SORCS1: variants seen among roughly 807,000 people sequenced by gnomAD.
SORCS1 encodes the protein VPS10 domain-containing receptor SorCS1.
SORCS1 carries 60 observed loss-of-function variants against 146.1 expected under a neutral mutation model. That is an observed-to-expected ratio of 0.41 (90% CI 0.33 to 0.51). SORCS1 has a LOEUF of 0.51. SORCS1 is among the 20% of genes least tolerant of loss of function. The pLI, the probability that SORCS1 is intolerant of heterozygous loss-of-function variation, is 0.21. For synonymous variants in SORCS1, 637 were observed against 584.0 expected, an observed-to-expected ratio of 1.09 and a Z score of -1.31; for missense variants, 1,352 against 1,487.6, an observed-to-expected ratio of 0.91 and a Z score of 1.50.
intron 1 of SORCS1, among the ~76,000 whole-genome samples, chr10:107,046,278 T>G (rs1162469838): frequency 6.6e-6 from 1 of 152,038 alleles, no homozygotes; most frequent in East Asian, 1.9e-4. Flanking sequence ...GTCTATTTTG[T>G]TCAGGTTGGT....
chr10:107,033,226 C>T (rs536780258), intron 1 of SORCS1, among the ~76,000 whole-genome samples: 3 of 152,142 alleles, frequency 2.0e-5, no homozygotes, highest in East Asian at 1.9e-4. Flanking sequence ...CAGCAGATCT[C>T]GTGAGAACTC....
chr10:106,765,903 G>A (rs1469307119), intron 4 of SORCS1, among the ~76,000 whole-genome samples: 2 of 152,110 alleles, frequency 1.3e-5, no homozygotes, highest in South Asian at 2.1e-4. Flanking sequence ...ACAGGTGCAC[G>A]TGATAGAATT....
chr10:107,165,911 A>G (rs1475573892), upstream of SORCS1, among the ~76,000 whole-genome samples: 2 of 152,236 alleles, frequency 1.3e-5, no homozygotes, highest in Non-Finnish European at 2.9e-5. This position sits in a 1 kb window ranked among gnomAD's most constrained non-coding sequence, Gnocchi z 4.0. Context: ...GTATGATTAT[A>G]GTATCTGCCC....
intron 1 of SORCS1, among the ~76,000 whole-genome samples, chr10:107,013,139 A>G (rs2139757742): frequency 6.6e-6 from 1 of 152,324 alleles, no homozygotes; most frequent in East Asian, 1.9e-4. Context: ...ATAAATAAAC[A>G]AATAGAAAGT....
At chr10:106,673,342 AG>A (rs1851755348) in intron 14 of SORCS1, among the ~76,000 whole-genome samples, 1 of 152,138 alleles carries the variant, frequency 6.6e-6, no homozygotes, top group Non-Finnish European at 1.5e-5. Flanking sequence ...CATGTTGGCC[AG>A]GATGGTCTTG....
chr10:107,004,061 G>A (rs1432270078), intron 1 of SORCS1, among the ~76,000 whole-genome samples: 4 of 151,304 alleles, frequency 2.6e-5, no homozygotes, highest in African/African-American at 9.7e-5. Flanking sequence ...TGTAGTCCCA[G>A]CTAGTTTGGA....
chr10:107,122,711 A>C (rs1186376181), intron 1 of SORCS1, among the ~76,000 whole-genome samples: 1 of 151,468 alleles, frequency 6.6e-6, no homozygotes, highest in African/African-American at 2.4e-5. Context: ...GCAGGAAAGA[A>C]AAAAAAAAGT....
intron 1 of SORCS1, among the ~76,000 whole-genome samples, chr10:107,043,784 G>A (rs1959193000): frequency 1.3e-5 from 2 of 152,178 alleles, no homozygotes; most frequent in Non-Finnish European, 2.9e-5. Flanking sequence ...TTCATTGTGG[G>A]ATTTCATGAT....
At chr10:106,968,159 G>A (rs1344014408) in intron 1 of SORCS1, among the ~76,000 whole-genome samples, 1 of 151,956 alleles carries the variant, frequency 6.6e-6, no homozygotes, top group Non-Finnish European at 1.5e-5. Flanking sequence ...GCAGTGAGCC[G>A]AGATCGCGCC....
intron 1 of SORCS1, among the ~76,000 whole-genome samples, chr10:106,984,079 C>A (rs76581224): frequency 6.6e-6 from 1 of 152,096 alleles, no homozygotes; most frequent in South Asian, 2.1e-4. Flanking sequence ...TAACAATACA[C>A]GTTATGTATC....
chr10:106,784,731 T>G (rs966624032), intron 3 of SORCS1, among the ~76,000 whole-genome samples: 1 of 152,216 alleles, frequency 6.6e-6, no homozygotes, highest in South Asian at 2.1e-4. Context: ...TGGGAAACTT[T>G]ACAAGAAATG....
intron 4 of SORCS1, among the ~76,000 whole-genome samples, chr10:106,767,224 C>T (rs112870232): frequency 5.3e-5 from 8 of 152,294 alleles, no homozygotes; most frequent in African/African-American, 1.9e-4. Context: ...GCTGGTTCCA[C>T]CAATCTCTCC....
chr10:106,850,509 C>G (rs982581009), intron 2 of SORCS1, among the ~76,000 whole-genome samples: 16 of 152,240 alleles, frequency 1.1e-4, no homozygotes, highest in East Asian at 3.9e-4. Context: ...GAGATGAACC[C>G]GGTACCTCAG....
Position 107,073,645 on chromosome 10 carries a change from G to T in SORCS1, c.558+90324C>A, listed in dbSNP as rs146721787. ...ACAGATAAAGAAAGCGAGGCTCAGA[G>T]AATTTAAGCTATTTTATCCAAGTCA... is the stretch of plus-strand genomic sequence containing the variant. On this transcript the variant is annotated intron_variant, in intron 1 of 25. Coordinates refer to ENST00000263054, the MANE Select transcript of SORCS1 (RefSeq NM_052918.5). Among the ~76,000 whole-genome samples, 71 of 152,260 alleles carry T rather than the reference G, an allele frequency of 4.7e-4. 2 individuals carry two copies. In the East Asian group the frequency reaches 0.014, roughly 29 times the overall value.
At chr10:107,133,508 A>G (rs1967026712) in intron 1 of SORCS1, among the ~76,000 whole-genome samples, 1 of 152,166 alleles carries the variant, frequency 6.6e-6, no homozygotes, top group Non-Finnish European at 1.5e-5. Flanking sequence ...GCCTTTCAAT[A>G]TCCTTTATTT....
intron 3 of SORCS1, among the ~76,000 whole-genome samples, chr10:106,778,244 G>A (rs1474744539): frequency 1.3e-5 from 2 of 152,064 alleles, no homozygotes; most frequent in Non-Finnish European, 2.9e-5. Flanking sequence ...TTCTTGAAGA[G>A]GAGAAAAGGG....
At chr10:107,077,810 A>G (rs1293688814) in intron 1 of SORCS1, among the ~76,000 whole-genome samples, 2 of 152,112 alleles carry the variant, frequency 1.3e-5, no homozygotes, top group Non-Finnish European at 2.9e-5. Flanking sequence ...TATACTACAT[A>G]TGGCAATGGA....
At chr10:106,853,876 G>A (rs1564737409) in intron 2 of SORCS1, among the ~76,000 whole-genome samples, 2 of 151,898 alleles carry the variant, frequency 1.3e-5, no homozygotes, top group South Asian at 2.1e-4. Flanking sequence ...TTCAGAAAGT[G>A]GTCTGTCTTA....
intron 18 of SORCS1, among the ~76,000 whole-genome samples, chr10:106,644,831 T>A (rs1849306142): frequency 6.6e-6 from 1 of 152,242 alleles, no homozygotes. Context: ...TGTATGACAT[T>A]CCATTCTGTA....
Sources: gnomAD v4.1 joint callset for allele counts (sites outside exome capture counted in the v4.1 genomes callset) on GRCh38, gnomAD v4.1.1 for gene constraint, Gnocchi (gnomAD v3.1) non-coding constraint, MANE v1.5 for transcripts, NCBI Gene and HGNC (gene_info 2026-07-23, HGNC 2026-07-21) for gene names.